Variants in BTNL3 observed in about 807,000 individuals in gnomAD.
The protein encoded by BTNL3 is butyrophilin like 3, also known as butyrophilin-like protein 3.
Under a neutral mutation model 40.1 loss-of-function variants are expected in BTNL3, and 20 were observed. That is an observed-to-expected ratio of 0.50 (90% CI 0.35 to 0.72). The LOEUF (loss-of-function observed/expected upper bound fraction) is 0.72. Ranked by LOEUF, BTNL3 falls within the 30% of genes least tolerant of loss-of-function variation. BTNL3 has a pLI of 0.01. For missense variants in BTNL3, 449 were observed against 582.2 expected (o/e 0.77, Z 2.35); for synonymous variants, 179 against 222.1 (o/e 0.81, Z 1.73).
Position 180,997,466 on chromosome 5 carries a change from G to A in BTNL3, c.651G>A (p.Val217=), listed in dbSNP as rs1760050219. 1 of 1,463,488 alleles carries A rather than the reference G, an allele frequency of 6.8e-7. No homozygotes were observed. The allele number at this position is 1,463,488 out of a possible 1,614,324, so 90.7% of individuals were successfully genotyped here. A position where few individuals can be genotyped will look rare whatever the true frequency, so the allele number is the denominator to read the frequency against. ...SIHLAEQSHE[V]ESKVLIGETF... ...ACCTTGCTGAGCAGAGTCATGAGGTGGAATCCAAGGTATTGATAGGAGGTG... is the reference window on the plus strand; with the variant it reads ...ACCTTGCTGAGCAGAGTCATGAGGTAGAATCCAAGGTATTGATAGGAGGTG... The change falls in exon 3 of 8, where the codon GTG becomes GTA. Residue 217 remains valine (V), a synonymous_variant. Coordinates refer to ENST00000342868, the MANE Select transcript of BTNL3 (RefSeq NM_197975.3).
intron 2 of BTNL3, among the ~76,000 whole-genome samples, chr5:180,996,469 T>A (rs1760035852): frequency 7.3e-6 from 1 of 136,838 alleles, no homozygotes; most frequent in Non-Finnish European, 1.7e-5. Context: ...CTTACTGGTC[T>A]ACAGTTCTTA....
rs993325381 is a variant in BTNL3, at chr5:181,006,028, C to T, written c.*156C>T. On this transcript the variant is annotated 3_prime_UTR_variant, in exon 8 of 8. Transcript: ENST00000342868. ...TTTAGGGAGCTGAGGTTCTTCTGCC[C>T]TGAGCCCTGCAGCAGCGGCAGTCAC... 2.1e-5 allele frequency: 17 copies of T among 825,650 alleles called. No individual in the cohort carries two copies. The East Asian group carries it at 3.5e-4, about 17-fold the overall frequency. The allele number at this position is 825,650 out of a possible 1,614,324, so 51.1% of individuals were successfully genotyped here. A position where few individuals can be genotyped will look rare whatever the true frequency, so the allele number is the denominator to read the frequency against.
intron 3 of BTNL3, among the ~76,000 whole-genome samples, chr5:180,999,667 G>T (rs1760080500): frequency 7.4e-6 from 1 of 136,006 alleles, no homozygotes; most frequent in Non-Finnish European, 1.7e-5. Context: ...GGGCGTGGTG[G>T]TGTGTGTCTG....
rs539674439 is a variant in BTNL3 at position 181,000,573 on chromosome 5, G to A, written c.674-2099G>A. ...TGTAATCCCAGCACTTTGGGAGGCC[G>A]AGGCAGGTGGATCATGAGGTCAGGA... On this transcript the variant is annotated intron_variant, in intron 3 of 7. Coordinates refer to ENST00000342868, the MANE Select transcript of BTNL3 (RefSeq NM_197975.3). Among the ~76,000 whole-genome samples, 8 of 135,118 alleles carry A rather than the reference G, an allele frequency of 5.9e-5. 1 individual carries two copies. The South Asian group carries it at 8.8e-4, about 15-fold the overall frequency. 88.6% of individuals were successfully genotyped at this position (135,118 alleles called of 152,430 possible).
rs546126040 is a variant in BTNL3, at chr5:180,990,981, G to A, written c.50-1832G>A. 1.1e-4 allele frequency among the ~76,000 whole-genome samples: 15 copies of A among 136,888 alleles called. 2 individuals are homozygous for A. The highest frequency in any genetic ancestry group is 3.8e-4 in the African/African-American group (15 of 39,870). The allele number at this position is 136,888 out of a possible 152,430, so 89.8% of individuals were successfully genotyped here. On this transcript the variant is annotated intron_variant, in intron 1 of 7. Coordinates refer to ENST00000342868, the MANE Select transcript of BTNL3 (RefSeq NM_197975.3). ...GTGCCCCTCCGGGACTATTAAAATCGCAAACCTTCTTGGCCACCCTGTGCC... is the reference window on the plus strand; with the variant it reads ...GTGCCCCTCCGGGACTATTAAAATCACAAACCTTCTTGGCCACCCTGTGCC...
At chr5:180,991,640 ATGCTGGG>A (rs952960315) in intron 1 of BTNL3, among the ~76,000 whole-genome samples, 2 of 136,954 alleles carry the variant, frequency 1.5e-5, no homozygotes, top group Non-Finnish European at 3.3e-5. Context: ...CCCATTCTCC[ATGCTGGG>A]CATGGGGAAT....
rs1392532978 is a variant in BTNL3, at chr5:180,994,646, G to C, written c.397+1486G>C. Among the ~76,000 whole-genome samples the C allele has an allele frequency of 1.5e-5, 2 of 135,200 alleles. 1 individual carries two copies. Among genetic ancestry groups the C allele is most frequent in the Non-Finnish European group, 3.4e-5 (2 of 59,320 alleles). 88.7% of individuals were successfully genotyped at this position (135,200 alleles called of 152,430 possible). On this transcript the variant is annotated intron_variant, in intron 2 of 7. Transcript: ENST00000342868. ...CTCTCTCTCTTTCTCCTCTCCTTCTGGGACTATGATGATATAAATGTTGAT... is the reference window on the plus strand; with the variant it reads ...CTCTCTCTCTTTCTCCTCTCCTTCTCGGACTATGATGATATAAATGTTGAT...
intron 1 of BTNL3, among the ~76,000 whole-genome samples, chr5:180,991,133 G>T (rs1759966533): frequency 7.3e-6 from 1 of 137,012 alleles, no homozygotes; most frequent in Non-Finnish European, 1.7e-5. Context: ...AGGGTTGGGT[G>T]GTGAGGAGCA....
intron 2 of BTNL3, 119 bp from the exon 3 acceptor site, chr5:180,997,094 G>A: frequency 1.6e-6 from 2 of 1,289,092 alleles, no homozygotes; most frequent in South Asian, 2.5e-5. Flanking sequence ...GTGTGTGAGA[G>A]AGAGAGAGAG....
At chr5:181,000,817 A>AT (rs1760098721) in intron 3 of BTNL3, among the ~76,000 whole-genome samples, 1 of 135,570 alleles carries the variant, frequency 7.4e-6, no homozygotes, top group Non-Finnish European at 1.7e-5. Flanking sequence ...CGTCTCAAAA[A>AT]AAAATAAAAT....
At position 181,000,000 on chromosome 5, in the gene BTNL3, G is replaced by T. The variant is rs993393582; in HGVS notation, c.673+2512G>T. 2.9e-5 allele frequency among the ~76,000 whole-genome samples: 4 copies of T among 135,844 alleles called. 1 individual carries two copies. The highest frequency in any genetic ancestry group is 3.3e-3 in the Middle Eastern group (1 of 300). 89.1% of individuals were successfully genotyped at this position (135,844 alleles called of 152,430 possible). A position where few individuals can be genotyped will look rare whatever the true frequency, so the allele number is the denominator to read the frequency against. On this transcript the variant is annotated intron_variant, in intron 3 of 7. Transcript: ENST00000342868. The stretch of plus-strand genomic sequence containing the variant: ...AGAAAATGTATCTTTCAGAAAGTCG[G>T]CCAGAGAGCAGAAAAATAGGAAATA...
Position 181,002,341 on chromosome 5 carries a change from C to G in BTNL3, c.674-331C>G, listed in dbSNP as rs1424846535. 4.9e-5 allele frequency among the ~76,000 whole-genome samples: 4 copies of G among 81,172 alleles called. No individual in the cohort carries two copies. In the South Asian group the frequency reaches 1.0e-3, roughly 21 times the overall value. 53.3% of individuals were successfully genotyped at this position (81,172 alleles called of 152,430 possible). ...GACATTGAACTTCTGCCTCATTAGA[C>G]ATAGACACACACACACACACACACA... is the stretch of plus-strand genomic sequence containing the variant. On this transcript the variant is annotated intron_variant, in intron 3 of 7. Coordinates refer to ENST00000342868, the MANE Select transcript of BTNL3 (RefSeq NM_197975.3).
In BTNL3 at chr5:181,000,446, A is replaced by G. The variant is rs1258104774; in HGVS notation, c.674-2226A>G. Among the ~76,000 whole-genome samples, 2 of 137,192 alleles carry G rather than the reference A, an allele frequency of 1.5e-5. 1 individual carries two copies. Among genetic ancestry groups the G allele is most frequent in the African/African-American group, 5.0e-5 (2 of 39,786 alleles). 90.0% of individuals were successfully genotyped at this position (137,192 alleles called of 152,430 possible). ...TAAAGATACTTGCAGCAAACATCAT[A>G]CAAAATAATAAGCCACCTAATTTTT... On this transcript the variant is annotated intron_variant, in intron 3 of 7. Coordinates refer to ENST00000342868, the MANE Select transcript of BTNL3 (RefSeq NM_197975.3).
chr5:180,990,480 C>T (rs1163709479), intron 1 of BTNL3, among the ~76,000 whole-genome samples: 2 of 137,944 alleles, frequency 1.4e-5, no homozygotes, highest in Admixed American at 7.6e-5. Flanking sequence ...GCATGTAGAG[C>T]GTCCAGCACG....
Position 180,994,268 on chromosome 5 carries a change from C to A in BTNL3, c.397+1108C>A, listed in dbSNP as rs1249240665. Among the ~76,000 whole-genome samples, 2 of 137,112 alleles carry A rather than the reference C, an allele frequency of 1.5e-5. 1 individual carries two copies. The highest frequency in any genetic ancestry group is 3.3e-5 in the Non-Finnish European group (2 of 60,074). 90.0% of individuals were successfully genotyped at this position (137,112 alleles called of 152,430 possible). On this transcript the variant is annotated intron_variant, in intron 2 of 7. Coordinates refer to ENST00000342868, the MANE Select transcript of BTNL3 (RefSeq NM_197975.3). Reference sequence around the variant, plus strand: ...CAGCCATCCTTTTAGGATAGGTCTGCTAGTGACAAATTCTCTTAGTTTTTG... The same window carrying A: ...CAGCCATCCTTTTAGGATAGGTCTGATAGTGACAAATTCTCTTAGTTTTTG...
rs981107449 is a variant in BTNL3, at chr5:180,999,110, G to C, written c.673+1622G>C. Among the ~76,000 whole-genome samples, 6 of 136,484 alleles carry C rather than the reference G, an allele frequency of 4.4e-5. 2 individuals are homozygous for C. In the Admixed American group the frequency reaches 4.7e-4, roughly 11 times the overall value. The allele number at this position is 136,484 out of a possible 152,430, so 89.5% of individuals were successfully genotyped here. A position where few individuals can be genotyped will look rare whatever the true frequency, so the allele number is the denominator to read the frequency against. ...CCACTGCACTCCAGCCTGGGCGATA[G>C]AGCAAGACTCCATCTCAAAAATATA... On this transcript the variant is annotated intron_variant, in intron 3 of 7. Coordinates refer to ENST00000342868, the MANE Select transcript of BTNL3 (RefSeq NM_197975.3).
chr5:180,989,163 G>A, intron 1 of BTNL3, 86 bp downstream of exon 1: 1 of 1,304,294 alleles, frequency 7.7e-7, no homozygotes, highest in Non-Finnish European at 1.0e-6. Context: ...AGCACAGTGA[G>A]ATGCAGGAAT....
At chr5:180,992,191 CCTCA>C (rs1759979039) in intron 1 of BTNL3, among the ~76,000 whole-genome samples, 1 of 135,402 alleles carries the variant, frequency 7.4e-6, no homozygotes, top group African/African-American at 2.5e-5. Context: ...TACAAAATCT[CCTCA>C]CTGTGTCACA....
At chr5:181,003,987 A>C in intron 5 of BTNL3, 111 bp downstream of exon 5, 1 of 1,549,066 alleles carries the variant, frequency 6.5e-7, no homozygotes, top group African/African-American at 1.4e-5. Context: ...AAGCACCGGC[A>C]GGTGGAGGGG....
Sources: allele counts gnomAD v4.1 joint callset (sites outside exome capture counted in the v4.1 genomes callset), GRCh38; gene constraint gnomAD v4.1.1; transcripts MANE v1.5; gene names NCBI Gene and HGNC (gene_info 2026-07-23, HGNC 2026-07-21).